PRDM2: variants seen among roughly 807,000 people sequenced by gnomAD.
PRDM2 encodes PR domain zinc finger protein 2.
Under a neutral mutation model 130.0 loss-of-function variants are expected in PRDM2, and 30 were observed. That is an observed-to-expected ratio of 0.23 (90% CI 0.17 to 0.31). The LOEUF (loss-of-function observed/expected upper bound fraction) is 0.31. Ranked by LOEUF, PRDM2 falls within the 10% of genes least tolerant of loss-of-function variation. The pLI, the probability that PRDM2 is intolerant of heterozygous loss-of-function variation, is 1.00. For missense variants in PRDM2, 2,011 were observed against 2,108.4 expected (o/e 0.95, Z 0.90); for synonymous variants, 871 against 782.4 (o/e 1.11, Z -1.89).
chr1:13,734,761 AT>A (rs1643215622), intron 4 of PRDM2, among the ~76,000 whole-genome samples: 1 of 152,182 alleles, frequency 6.6e-6, no homozygotes, highest in Admixed American at 6.5e-5. Context: ...ATTAAAAAAA[AT>A]CTCATTCAAG....
intron 8 of PRDM2, among the ~76,000 whole-genome samples, chr1:13,786,040 G>A (rs550452263): frequency 9.9e-5 from 15 of 151,598 alleles, no homozygotes; most frequent in South Asian, 2.1e-4. Flanking sequence ...GGGTTTCACC[G>A]TGTTAGCCAG....
rs753575835 is a variant in PRDM2, at chr1:13,778,626, T to TGAA, written c.846_848dup (p.Glu282dup). The TGAA allele has an allele frequency of 0.02, 32,964 of 1,610,726 alleles. 463 individuals carry two copies. The highest frequency in any genetic ancestry group is 0.086 in the South Asian group (7,802 of 90,594). ...AGGAGGAGGAGGAAGAGGAGGAGGA[T>TGAA]GAAGAAGAAGAAGAAGATGATGATG... is the stretch of plus-strand genomic sequence containing the variant. On this transcript the variant is annotated inframe_insertion, in exon 8 of 10. Transcript: ENST00000311066.
intron 4 of PRDM2, among the ~76,000 whole-genome samples, chr1:13,733,507 T>C (rs926277081): frequency 1.3e-5 from 2 of 152,190 alleles, no homozygotes; most frequent in Non-Finnish European, 2.9e-5. Context: ...AGAACTAGAA[T>C]GCATCTCTCC....
At chr1:13,753,505 C>T (rs920006084) in intron 6 of PRDM2, among the ~76,000 whole-genome samples, 2 of 152,232 alleles carry the variant, frequency 1.3e-5, no homozygotes, top group African/African-American at 4.8e-5. Flanking sequence ...ACTGTGACGA[C>T]ACTCAAGTTT....
At chr1:13,788,472 T>C (rs1644785164) in intron 8 of PRDM2, among the ~76,000 whole-genome samples, 1 of 152,208 alleles carries the variant, frequency 6.6e-6, no homozygotes, top group African/African-American at 2.4e-5. Context: ...TTATGTGAAA[T>C]TGCTGGGGTT....
chr1:13,802,112 T>C (rs988054649), intron 8 of PRDM2, among the ~76,000 whole-genome samples: 1 of 152,114 alleles, frequency 6.6e-6, no homozygotes, highest in Non-Finnish European at 1.5e-5. Context: ...AGAGCAGACT[T>C]TACTATTCAA....
At chr1:13,815,178 C>G (rs1330251037) in intron 8 of PRDM2, among the ~76,000 whole-genome samples, 2 of 152,186 alleles carry the variant, frequency 1.3e-5, no homozygotes, top group Non-Finnish European at 2.9e-5. Context: ...ACAATCTCGG[C>G]TCACTGCAAC....
At chr1:13,705,341 A>G (rs1302724592) in intron 1 of PRDM2, 1 of 152,206 alleles carries the variant, frequency 6.6e-6, no homozygotes, top group Non-Finnish European at 1.5e-5. Flanking sequence ...CTCCTAATAC[A>G]ATGAGTGTTG....
chr1:13,787,788 A>G, intron 8 of PRDM2: 1 of 980,728 alleles, frequency 1.0e-6, no homozygotes, highest in Non-Finnish European at 1.2e-6. Flanking sequence ...TTCTTTTTGG[A>G]GAGTGCTATA....
chr1:13,779,274 A>G lies in PRDM2; in HGVS notation c.1479A>G (p.Gly493=), dbSNP rs1644551693. Reference sequence around the variant, plus strand: ...GCAAATATTGTAAAAAGGTTTTTGGAACTCATACTAATATGAGACGGCATC... The same window carrying G: ...GCAAATATTGTAAAAAGGTTTTTGGGACTCATACTAATATGAGACGGCATC... ...HPCKYCKKVF[G]THTNMRRHQR... is the part of the protein sequence containing the mutation. Residue 493 remains glycine, a synonymous_variant, in exon 8 of 10, where the codon GGA becomes GGG. Coordinates refer to ENST00000311066, the MANE Select transcript of PRDM2 (RefSeq NM_001393986.1). The surrounding 1 kb of genome is among the most constrained non-coding windows in gnomAD (Gnocchi z 4.9). 1 of 1,614,118 alleles carries G rather than the reference A, an allele frequency of 6.2e-7. No homozygotes were observed.
chr1:13,713,218 A>T (rs2100407429), intron 1 of PRDM2, among the ~76,000 whole-genome samples: 1 of 151,998 alleles, frequency 6.6e-6, no homozygotes, highest in East Asian at 1.9e-4. Context: ...CACATATTTT[A>T]CTTATGTATT....
intron 8 of PRDM2, among the ~76,000 whole-genome samples, chr1:13,793,183 A>G (rs1644868348): frequency 6.6e-6 from 1 of 152,242 alleles, no homozygotes; most frequent in African/African-American, 2.4e-5. Context: ...GTGGCAGGGC[A>G]TGCTGCCCAC....
intron 8 of PRDM2, among the ~76,000 whole-genome samples, chr1:13,791,565 T>TCAG (rs1237245097): frequency 6.6e-6 from 1 of 152,196 alleles, no homozygotes; most frequent in Non-Finnish European, 1.5e-5. Context: ...CCTCCCGACT[T>TCAG]CAGCAAATAG....
chr1:13,783,621 A>G (rs1210436411), intron 8 of PRDM2, among the ~76,000 whole-genome samples: 6 of 152,174 alleles, frequency 3.9e-5, no homozygotes, highest in South Asian at 4.1e-4. Context: ...TGTGCTTCCT[A>G]TATTAAGAAC....
chr1:13,822,775 C>T (rs1469907877), intron 9 of PRDM2, among the ~76,000 whole-genome samples: 3 of 152,156 alleles, frequency 2.0e-5, no homozygotes, highest in Non-Finnish European at 4.4e-5. Flanking sequence ...GTGGCTCTCA[C>T]AAACACTCGG....
chr1:13,772,375 A>T (rs376796492), intron 6 of PRDM2, among the ~76,000 whole-genome samples: 1 of 152,204 alleles, frequency 6.6e-6, no homozygotes, highest in South Asian at 2.1e-4. Context: ...TTGCAATTTA[A>T]TCTTACCTTG....
chr1:13,708,862 G>A (rs1303658595), intron 1 of PRDM2, among the ~76,000 whole-genome samples: 1 of 152,142 alleles, frequency 6.6e-6, no homozygotes, highest in Non-Finnish European at 1.5e-5. Context: ...TTTCCTGTCT[G>A]CGCAGTCTCT....
chr1:13,764,247 T>C (rs1209669049), intron 6 of PRDM2, among the ~76,000 whole-genome samples: 1 of 152,186 alleles, frequency 6.6e-6, no homozygotes. Context: ...CACGGGGGGC[T>C]GAGTCCATAA....
At chr1:13,813,118 G>A (rs1035280238) in intron 8 of PRDM2, among the ~76,000 whole-genome samples, 1 of 152,184 alleles carries the variant, frequency 6.6e-6, no homozygotes, top group Non-Finnish European at 1.5e-5. Context: ...CTACTGGAGT[G>A]CCAGGATGCC....
Sources: gnomAD v4.1 joint callset for allele counts (sites outside exome capture counted in the v4.1 genomes callset) on GRCh38, gnomAD v4.1.1 for gene constraint, Gnocchi (gnomAD v3.1) non-coding constraint, MANE v1.5 for transcripts, NCBI Gene and HGNC (gene_info 2026-07-23, HGNC 2026-07-21) for gene names.